Variants in ARHGAP15 observed in about 807,000 individuals in gnomAD.
The protein encoded by ARHGAP15 is rho GTPase-activating protein 15.
ARHGAP15 carries 51 observed loss-of-function variants against 63.7 expected under a neutral mutation model. The ratio of observed to expected loss-of-function variants is 0.80; its 90% CI spans 0.64 to 1.01. The LOEUF (loss-of-function observed/expected upper bound fraction) is 1.01. Among genes scored for constraint, ARHGAP15 ranks in the 50% least tolerant of loss-of-function variants. The pLI, the probability that ARHGAP15 is intolerant of heterozygous loss-of-function variation, is 0.00. For missense variants in ARHGAP15, 560 were observed against 564.6 expected (o/e 0.99, Z 0.08); for synonymous variants, 191 against 193.8 (o/e 0.99, Z 0.12).
At position 143,155,568 on chromosome 2, in the gene ARHGAP15, G is replaced by A. The variant is rs916500041; in HGVS notation, c.78G>A (p.Met26Ile). 4.4e-6 allele frequency: 7 copies of A among 1,608,968 alleles called. No individual in the cohort carries two copies. In the South Asian group the frequency reaches 6.6e-5, roughly 15 times the overall value. The change falls in exon 2 of 14, where the codon ATG becomes ATA. Residue 26 changes from methionine (M) to isoleucine (I), a missense_variant. Met to Ile is a conservative substitution (Grantham distance 10). Transcript: ENST00000295095. ...STRQGTGAVQ[M>I]RIKNANSHHD... is the part of the protein sequence containing the mutation. Reference sequence around the variant, plus strand: ...GCCAAGGCACAGGAGCTGTGCAAATGAGAATCAAAAATGCCAACAGCCACC... The same window carrying A: ...GCCAAGGCACAGGAGCTGTGCAAATAAGAATCAAAAATGCCAACAGCCACC...
At chr2:143,710,660 C>T (rs1199443543) in intron 13 of ARHGAP15, among the ~76,000 whole-genome samples, 1 of 152,124 alleles carries the variant, frequency 6.6e-6, no homozygotes, top group Admixed American at 6.5e-5. Context: ...TCATTGTTGT[C>T]TCTATTGTTA....
intron 9 of ARHGAP15, among the ~76,000 whole-genome samples, chr2:143,493,048 ACT>A (rs1304042246): frequency 1.3e-4 from 17 of 134,564 alleles, no homozygotes; most frequent in Admixed American, 7.3e-4. Flanking sequence ...ACAGAGCGAG[ACT>A]CTGTCTCAAA....
At chr2:143,507,521 CT>C (rs1160801583) in intron 9 of ARHGAP15, among the ~76,000 whole-genome samples, 2 of 152,178 alleles carry the variant, frequency 1.3e-5, no homozygotes, top group Non-Finnish European at 2.9e-5. Flanking sequence ...GACTTCTTTT[CT>C]CATTTCATTC....
At chr2:143,153,812 CTT>C (rs1160243006) in intron 1 of ARHGAP15, among the ~76,000 whole-genome samples, 203 of 75,854 alleles carry the variant, frequency 2.7e-3, no homozygotes, top group Non-Finnish European at 3.6e-3. Context: ...TCTTCTTCTT[CTT>C]CTTCTTCTTC....
rs185926206 is a variant in ARHGAP15 at position 143,407,305 on chromosome 2, A to T, written c.475-28296A>T. On this transcript the variant is annotated intron_variant, in intron 6 of 13. Coordinates refer to ENST00000295095, the MANE Select transcript of ARHGAP15 (RefSeq NM_018460.4). ...ATTCATTAATGGGAAAATATAACCC[A>T]TTCATATTTTTTAAGATGAAGTGTT... 8.2e-4 allele frequency among the ~76,000 whole-genome samples: 123 copies of T among 149,714 alleles called. 3 individuals are homozygous for T. Among genetic ancestry groups the T allele is most frequent in the Admixed American group, 7.5e-3 (113 of 15,154 alleles).
At chr2:143,491,874 T>A (rs547609786) in intron 9 of ARHGAP15, among the ~76,000 whole-genome samples, 3 of 152,192 alleles carry the variant, frequency 2.0e-5, no homozygotes, top group East Asian at 3.9e-4. Flanking sequence ...CTTAGCTTTT[T>A]TTATTATTAT....
At chr2:143,388,350 G>T (rs934870957) in intron 6 of ARHGAP15, among the ~76,000 whole-genome samples, 7 of 152,146 alleles carry the variant, frequency 4.6e-5, no homozygotes, top group Non-Finnish European at 1.5e-5. Flanking sequence ...ACTGTGAAAA[G>T]CTGCAAAAGA....
intron 1 of ARHGAP15, among the ~76,000 whole-genome samples, chr2:143,152,318 C>T (rs1254246113): frequency 6.6e-6 from 1 of 151,964 alleles, no homozygotes; most frequent in Non-Finnish European, 1.5e-5. Context: ...TATCTGCACA[C>T]CTTTGCATTG....
intron 6 of ARHGAP15, among the ~76,000 whole-genome samples, chr2:143,324,144 A>G (rs770906591): frequency 6.6e-6 from 1 of 152,136 alleles, no homozygotes; most frequent in Non-Finnish European, 1.5e-5. Flanking sequence ...TTAAAATTGC[A>G]TTATAAATGC....
chr2:143,566,560 A>G (rs1372170320), intron 11 of ARHGAP15, among the ~76,000 whole-genome samples: 1 of 152,162 alleles, frequency 6.6e-6, no homozygotes, highest in African/African-American at 2.4e-5. Context: ...CAGGCATCCC[A>G]GGTCTGCTCC....
intron 9 of ARHGAP15, among the ~76,000 whole-genome samples, chr2:143,499,411 T>G (rs917774479): frequency 2.6e-5 from 4 of 152,282 alleles, no homozygotes; most frequent in Admixed American, 6.5e-5. Flanking sequence ...ATGATTAAAG[T>G]GTAAATGGGC....
At chr2:143,471,448 A>T (rs1691572023) in intron 8 of ARHGAP15, among the ~76,000 whole-genome samples, 3 of 152,020 alleles carry the variant, frequency 2.0e-5, no homozygotes, top group Admixed American at 2.0e-4. Flanking sequence ...AATGGGAGAG[A>T]AGAAAAAAGA....
At chr2:143,490,308 A>G (rs1692532118) in intron 9 of ARHGAP15, among the ~76,000 whole-genome samples, 1 of 151,952 alleles carries the variant, frequency 6.6e-6, no homozygotes, top group Non-Finnish European at 1.5e-5. Context: ...CGGCCATGTC[A>G]ATTTTCAAAG....
intron 1 of ARHGAP15, among the ~76,000 whole-genome samples, chr2:143,132,200 G>A (rs530194284): frequency 1.3e-5 from 2 of 152,296 alleles, no homozygotes; most frequent in Non-Finnish European, 2.9e-5. Context: ...GCCCTTGTAA[G>A]TATTCTAAAT....
intron 8 of ARHGAP15, among the ~76,000 whole-genome samples, chr2:143,460,492 G>A (rs909995682): frequency 2.0e-5 from 3 of 151,954 alleles, no homozygotes; most frequent in African/African-American, 7.3e-5. Flanking sequence ...TCAAAGAGCT[G>A]GAATATAAAC....
rs1161731087 is a variant in ARHGAP15 at position 143,228,751 on chromosome 2, C to T, written c.384+83C>T. On this transcript the variant is annotated intron_variant, in intron 5 of 13. Coordinates refer to ENST00000295095, the MANE Select transcript of ARHGAP15 (RefSeq NM_018460.4). ...AAGTTTGGTTTTATCAGAAATCACACTAAAACCTCCAAGCTACCAACATCT... is the reference window on the plus strand; with the variant it reads ...AAGTTTGGTTTTATCAGAAATCACATTAAAACCTCCAAGCTACCAACATCT... 3 of 956,172 alleles carry T rather than the reference C, an allele frequency of 3.1e-6. 1 individual carries two copies. Among genetic ancestry groups the T allele is most frequent in the South Asian group, 4.3e-5 (2 of 46,870 alleles). The allele number at this position is 956,172 out of a possible 1,614,324, so 59.2% of individuals were successfully genotyped here. A position where few individuals can be genotyped will look rare whatever the true frequency, so the allele number is the denominator to read the frequency against.
chr2:143,172,482 G>T (rs1690828191), intron 2 of ARHGAP15, among the ~76,000 whole-genome samples: 2 of 152,088 alleles, frequency 1.3e-5, no homozygotes, highest in Admixed American at 1.3e-4. Flanking sequence ...CTATTAAGGA[G>T]CCTGTCCATC....
intron 11 of ARHGAP15, chr2:143,563,828 TC>T (rs1341283229): frequency 1.3e-5 from 2 of 152,214 alleles, no homozygotes; most frequent in Non-Finnish European, 2.9e-5. Flanking sequence ...TAGCACTGGT[TC>T]CCGGCCTTGA....
rs149128248 is a variant in ARHGAP15 at position 143,675,685 on chromosome 2, T to C, written c.1139-27734T>C. Among the ~76,000 whole-genome samples, 18 of 152,324 alleles carry C rather than the reference T, an allele frequency of 1.2e-4. No individual in the cohort carries two copies. In the East Asian group the frequency reaches 2.3e-3, roughly 20 times the overall value. Reference sequence around the variant, plus strand: ...GACTCAACAGAGGGCTTCAACATTCTGTAAACCATGCTACGAACAGATATG... The same window carrying C: ...GACTCAACAGAGGGCTTCAACATTCCGTAAACCATGCTACGAACAGATATG... On this transcript the variant is annotated intron_variant, in intron 12 of 13. Transcript: ENST00000295095.
Sources: gnomAD v4.1 joint callset for allele counts (sites outside exome capture counted in the v4.1 genomes callset) on GRCh38, gnomAD v4.1.1 for gene constraint, MANE v1.5 for transcripts, NCBI Gene and HGNC (gene_info 2026-07-23, HGNC 2026-07-21) for gene names.